The following CDH2 variants were observed in gnomAD, a reference collection of about 807,000 sequenced individuals.
The protein encoded by CDH2 is cadherin-2.
Under a neutral mutation model 92.0 loss-of-function variants are expected in CDH2, and 17 were observed. The ratio of observed to expected loss-of-function variants is 0.18; its 90% CI spans 0.13 to 0.28. CDH2 has a LOEUF of 0.28. CDH2 is among the 10% of genes least tolerant of loss of function. The pLI is 1.00. For synonymous variants in CDH2, 419 were observed against 415.9 expected, an observed-to-expected ratio of 1.01 and a Z score of -0.09; for missense variants, 862 against 1,133.1, an observed-to-expected ratio of 0.76 and a Z score of 3.44.
At chr18:27,995,432 G>A (rs935681971) in intron 7 of CDH2, among the ~76,000 whole-genome samples, 8 of 151,772 alleles carry the variant, frequency 5.3e-5, no homozygotes, top group African/African-American at 9.7e-5. Flanking sequence ...AGAGAATTTC[G>A]CAGGACATTC....
At chr18:27,950,095 G>A (rs1909377380), downstream of CDH2, among the ~76,000 whole-genome samples, 1 of 152,008 alleles carries the variant, frequency 6.6e-6, no homozygotes, top group African/African-American at 2.4e-5. Context: ...GTTTCATTAT[G>A]GAAATTCCCA....
intron 14 of CDH2, among the ~76,000 whole-genome samples, chr18:27,981,280 A>G (rs1306047731): frequency 6.6e-6 from 1 of 152,238 alleles, no homozygotes; most frequent in East Asian, 1.9e-4. Flanking sequence ...AATGTGATCA[A>G]TATGTTTGTT....
At chr18:28,136,500 T>C (rs2015864909) in intron 2 of CDH2, among the ~76,000 whole-genome samples, 1 of 152,038 alleles carries the variant, frequency 6.6e-6, no homozygotes, top group Admixed American at 6.6e-5. Context: ...GTGAAATAAA[T>C]ATTCAAATAT....
rs534045234 is a variant in CDH2 at position 28,176,859 on chromosome 18, T to C, written c.60+104A>G. ...GCGCGGCGCGGCGTGGCACCTCCCT[T>C]CCCGGGTGCGCAGCCCGGCCCCGCA... On this transcript the variant is annotated intron_variant, in intron 1 of 15. Transcript: ENST00000269141. The C allele has an allele frequency of 4.3e-3, 2,161 of 501,190 alleles. 7 individuals carry two copies. Among genetic ancestry groups the C allele is most frequent in the Non-Finnish European group, 4.9e-3 (1,923 of 388,642 alleles). 31.0% of individuals were successfully genotyped at this position (501,190 alleles called of 1,614,324 possible).
At chr18:28,077,890 CAAAAAAAAAAAAAAA>C (rs71171659) in intron 2 of CDH2, among the ~76,000 whole-genome samples, 3 of 67,314 alleles carry the variant, frequency 4.5e-5, no homozygotes, top group Admixed American at 2.2e-4. Context: ...GACCCTGTCT[CAAAAAAAAAAAAAAA>C]AAAAAAAAAA....
intron 6 of CDH2, among the ~76,000 whole-genome samples, 191 bp from the exon 7 acceptor site, chr18:28,003,360 G>A (rs893286056): frequency 6.6e-6 from 1 of 152,032 alleles, no homozygotes; most frequent in Non-Finnish European, 1.5e-5. Context: ...AACCTGGTCT[G>A]GATCTTTGAA....
chr18:28,043,890 ATTTTT>A (rs67532914), intron 2 of CDH2, among the ~76,000 whole-genome samples: 20 of 91,464 alleles, frequency 2.2e-4, no homozygotes, highest in East Asian at 4.2e-4. Context: ...AGAATCTCGG[ATTTTT>A]TTTTTTTTTT....
At chr18:28,024,840 T>C (rs1014683325) in intron 2 of CDH2, among the ~76,000 whole-genome samples, 1 of 151,638 alleles carries the variant, frequency 6.6e-6, no homozygotes, top group African/African-American at 2.4e-5. Flanking sequence ...ATTGTTAACC[T>C]TGAAATCCAA....
chr18:28,102,804 A>G (rs1432387621), intron 2 of CDH2, among the ~76,000 whole-genome samples: 3 of 151,984 alleles, frequency 2.0e-5, no homozygotes, highest in Non-Finnish European at 4.4e-5. Flanking sequence ...GAGAAACTGA[A>G]ATGGAAATTG....
intron 6 of CDH2, among the ~76,000 whole-genome samples, chr18:27,939,017 C>A (rs879360232): frequency 7.9e-5 from 12 of 152,156 alleles, no homozygotes; most frequent in Non-Finnish European, 1.6e-4. Flanking sequence ...CTCTATCTGT[C>A]AGGAGAATGT....
At chr18:28,111,206 A>T (rs1471111880) in intron 2 of CDH2, among the ~76,000 whole-genome samples, 2 of 152,190 alleles carry the variant, frequency 1.3e-5, no homozygotes, top group Non-Finnish European at 2.9e-5. Flanking sequence ...TTCTATTATC[A>T]AACCTCAAAG....
At chr18:27,949,826 ATATT>A (rs1270640457), downstream of CDH2, among the ~76,000 whole-genome samples, 2 of 151,568 alleles carry the variant, frequency 1.3e-5, no homozygotes, top group Non-Finnish European at 2.9e-5. Flanking sequence ...ACAAAAATTA[ATATT>A]TATATTTATT....
At chr18:28,007,864 G>T (rs2012985602) in intron 5 of CDH2, among the ~76,000 whole-genome samples, 1 of 151,964 alleles carries the variant, frequency 6.6e-6, no homozygotes, top group Admixed American at 6.6e-5. Flanking sequence ...TGAGTAGCTG[G>T]GATTACAGGC....
chr18:28,056,926 TA>T (rs2014304322), intron 2 of CDH2, among the ~76,000 whole-genome samples: 2 of 152,216 alleles, frequency 1.3e-5, no homozygotes, highest in South Asian at 4.1e-4. Context: ...AGAAACTGTA[TA>T]AAATTCTTAG....
chr18:27,984,874 G>T, intron 13 of CDH2, 126 bp downstream of exon 13: 1 of 681,750 alleles, frequency 1.5e-6, no homozygotes, highest in Non-Finnish European at 2.6e-6. Context: ...ATATATGATT[G>T]GCGAGGAAAT....
intron 6 of CDH2, among the ~76,000 whole-genome samples, chr18:27,933,982 T>C (rs958353557): frequency 6.6e-6 from 1 of 152,174 alleles, no homozygotes; most frequent in Non-Finnish European, 1.5e-5. Flanking sequence ...ATAACATAAA[T>C]TAAAGAAAGA....
chr18:28,072,880 A>C (rs2014646240), intron 2 of CDH2, among the ~76,000 whole-genome samples: 1 of 152,220 alleles, frequency 6.6e-6, no homozygotes, highest in East Asian at 1.9e-4. Context: ...TATAAACCCT[A>C]GTTGGAGTCA....
chr18:27,985,313 T>C (rs1599010664), intron 12 of CDH2, 80 bp from the exon 13 acceptor site: 2 of 875,552 alleles, frequency 2.3e-6, no homozygotes, highest in African/African-American at 3.4e-5. Context: ...TCAGGATGTA[T>C]TTACTACCTA....
At chr18:28,166,160 ATATATATATATATGTC>A (rs1187629357) in intron 1 of CDH2, among the ~76,000 whole-genome samples, 7 of 137,094 alleles carry the variant, frequency 5.1e-5, no homozygotes, top group Non-Finnish European at 7.9e-5. Flanking sequence ...ATATATATAT[ATATATATATATATGTC>A]TGTATTTTAA....
Sources: allele counts gnomAD v4.1 joint callset (sites outside exome capture counted in the v4.1 genomes callset), GRCh38; gene constraint gnomAD v4.1.1; transcripts MANE v1.5; gene names NCBI Gene and HGNC (gene_info 2026-07-23, HGNC 2026-07-21).